NSD1: variants seen among roughly 807,000 people sequenced by gnomAD.
The protein encoded by NSD1 is nuclear receptor binding SET domain protein 1.
In NSD1, 26 loss-of-function variants were observed where a neutral mutation model predicts 242.7. The ratio of observed to expected loss-of-function variants is 0.11; its 90% CI spans 0.08 to 0.15. NSD1 has a LOEUF of 0.15. Ranked by LOEUF, NSD1 falls within the 10% of genes least tolerant of loss-of-function variation. The pLI is 1.00. For missense variants in NSD1, 2,495 were observed against 3,272.8 expected, an observed-to-expected ratio of 0.76 and a Z score of 5.80; for synonymous variants, 1,106 against 1,178.1, an observed-to-expected ratio of 0.94 and a Z score of 1.25.
chr5:177,208,170 A>C (rs1763048678), intron 4 of NSD1, among the ~76,000 whole-genome samples: 1 of 152,126 alleles, frequency 6.6e-6, no homozygotes, highest in Admixed American at 6.6e-5. Flanking sequence ...TATTGTATGG[A>C]GGTAAGGAAG....
At chr5:177,136,083 C>T in intron 2 of NSD1, 53 bp downstream of exon 2, 1 of 1,435,896 alleles carries the variant, frequency 7.0e-7, no homozygotes, top group Non-Finnish European at 9.7e-7. Flanking sequence ...TATATACAGG[C>T]CACTTAAAGG....
At chr5:177,170,207 C>T (rs1486964935) in intron 2 of NSD1, among the ~76,000 whole-genome samples, 2 of 151,812 alleles carry the variant, frequency 1.3e-5, no homozygotes, top group Non-Finnish European at 2.9e-5. Flanking sequence ...CTCCTGACCT[C>T]GTGATCTGCC....
intron 3 of NSD1, among the ~76,000 whole-genome samples, chr5:177,193,466 G>A (rs532510932): frequency 6.6e-6 from 1 of 151,968 alleles, no homozygotes; most frequent in South Asian, 2.1e-4. Flanking sequence ...TAGTAGAGAT[G>A]GGGTTTCACC....
intron 5 of NSD1, chr5:177,221,062 G>C (rs761511545): frequency 4.4e-5 from 20 of 454,434 alleles, no homozygotes; most frequent in South Asian, 3.1e-4. Flanking sequence ...TAATAGATAC[G>C]GGGTTTCACC....
At chr5:177,288,526 A>G in intron 20 of NSD1, 2 of 351,580 alleles carry the variant, frequency 5.7e-6, no homozygotes, top group East Asian at 6.5e-5. Flanking sequence ...ATGAATTAAC[A>G]TATTTTGAAT....
At chr5:177,236,998 G>C (rs1030827777) in intron 6 of NSD1, among the ~76,000 whole-genome samples, 1 of 152,066 alleles carries the variant, frequency 6.6e-6, no homozygotes, top group African/African-American at 2.4e-5. Context: ...TACCACACCT[G>C]GCTAATTTTT....
At chr5:177,273,365 C>T (rs1758099252) in intron 16 of NSD1, among the ~76,000 whole-genome samples, 1 of 149,340 alleles carries the variant, frequency 6.7e-6, no homozygotes, top group South Asian at 2.1e-4. Flanking sequence ...TATCCGCCAC[C>T]ACAGATAAGC....
intron 14 of NSD1, chr5:177,265,556 G>A (rs1342336381): frequency 9.1e-6 from 9 of 988,554 alleles, no homozygotes; most frequent in Middle Eastern, 2.7e-4. Context: ...CGTGCAGGGC[G>A]GGAGAGCCGG....
At position 177,209,917 on chromosome 5, in the gene NSD1, A is replaced by C. The variant is rs1471567155; in HGVS notation, c.1518A>C (p.Pro506=). ...GAGCCAGAAAGAGCTCTGATAATCCAAAAAGGACTAGTGTGAAAAAGGGCC... is the reference window on the plus strand; with the variant it reads ...GAGCCAGAAAGAGCTCTGATAATCCCAAAAGGACTAGTGTGAAAAAGGGCC... ...KSRARKSSDN[P]KRTSVKKGHI... Residue 506 remains proline, a synonymous_variant, in exon 5 of 23, where the codon CCA becomes CCC. Coordinates refer to ENST00000439151, the MANE Select transcript of NSD1 (RefSeq NM_022455.5). 1 of 1,613,984 alleles carries C rather than the reference A, an allele frequency of 6.2e-7. No homozygotes were observed. Among genetic ancestry groups the C allele is most frequent in the Non-Finnish European group, 8.5e-7 (1 of 1,179,886 alleles).
At chr5:177,293,669 G>C (rs1241598764) in intron 22 of NSD1, among the ~76,000 whole-genome samples, 163 bp from the exon 23 acceptor site, 1 of 151,726 alleles carries the variant, frequency 6.6e-6, no homozygotes, top group African/African-American at 2.4e-5. Flanking sequence ...AAAGAAGCTG[G>C]AATTCTGGGG....
At chr5:177,216,695 T>C (rs903403532) in intron 5 of NSD1, among the ~76,000 whole-genome samples, 1 of 151,202 alleles carries the variant, frequency 6.6e-6, no homozygotes, top group Non-Finnish European at 1.5e-5. Flanking sequence ...TTTTTAATTT[T>C]TAGTAAAATT....
intron 5 of NSD1, among the ~76,000 whole-genome samples, chr5:177,231,967 T>C (rs1765093885): frequency 6.6e-6 from 1 of 152,150 alleles, no homozygotes; most frequent in African/African-American, 2.4e-5. Context: ...TGGCACTGTC[T>C]TGGCTCACTG....
chr5:177,197,684 T>A (rs1266456985), intron 3 of NSD1, among the ~76,000 whole-genome samples: 3 of 152,222 alleles, frequency 2.0e-5, no homozygotes, highest in African/African-American at 7.2e-5. Context: ...GTCCCCTACC[T>A]TCGACCCCAA....
intron 2 of NSD1, among the ~76,000 whole-genome samples, chr5:177,190,066 C>T (rs1047080309): frequency 6.6e-6 from 1 of 151,934 alleles, no homozygotes; most frequent in Non-Finnish European, 1.5e-5. Flanking sequence ...TCAAGCAGTC[C>T]TCCTACCTGT....
chr5:177,177,880 A>G (rs1364206968), intron 2 of NSD1, among the ~76,000 whole-genome samples: 1 of 152,094 alleles, frequency 6.6e-6, no homozygotes, highest in Non-Finnish European at 1.5e-5. Flanking sequence ...CTGTTAATGC[A>G]AAAAATTGCA....
rs1757742174 is a variant in NSD1 at position 177,269,027 on chromosome 5, T to G, written c.5304-575T>G. Reference sequence around the variant, plus strand: ...GCCTTCTCTAGGGCATTCTCTGGAGTAAAGTAGGTAGATAGAGGTTTCCAG... The same window carrying G: ...GCCTTCTCTAGGGCATTCTCTGGAGGAAAGTAGGTAGATAGAGGTTTCCAG... On this transcript the variant is annotated intron_variant, in intron 15 of 22. Transcript: ENST00000439151. The surrounding 1 kb of genome is among the most constrained non-coding windows in gnomAD (Gnocchi z 5.1). Among the ~76,000 whole-genome samples the G allele has an allele frequency of 6.6e-6, 1 of 152,124 alleles. No homozygotes were observed. Among genetic ancestry groups the G allele is most frequent in the Non-Finnish European group, 1.5e-5 (1 of 68,014 alleles).
rs889492877 is a variant in NSD1 at position 177,291,842 on chromosome 5, G to A, written c.6259-112G>A. The A allele has an allele frequency of 3.9e-6, 4 of 1,038,356 alleles. No individual in the cohort carries two copies. In the Admixed American group the frequency reaches 8.0e-5, roughly 21 times the overall value. The allele number at this position is 1,038,356 out of a possible 1,614,324, so 64.3% of individuals were successfully genotyped here. A position where few individuals can be genotyped will look rare whatever the true frequency, so the allele number is the denominator to read the frequency against. ...TACCTTTCCTGCATTTTATCTTCAT[G>A]ACAATCTCTTTTCCCAGAGAAGAGA... On this transcript the variant is annotated intron_variant, in intron 21 of 22. Coordinates refer to ENST00000439151, the MANE Select transcript of NSD1 (RefSeq NM_022455.5).
chr5:177,187,296 G>T (rs1231837213), intron 2 of NSD1, among the ~76,000 whole-genome samples: 1 of 151,564 alleles, frequency 6.6e-6, no homozygotes, highest in Non-Finnish European at 1.5e-5. Context: ...GTAGAGATGG[G>T]GTTTCACCAT....
intron 15 of NSD1, among the ~76,000 whole-genome samples, chr5:177,268,618 T>C (rs190616934): frequency 3.3e-4 from 50 of 152,282 alleles, no homozygotes; most frequent in African/African-American, 1.2e-3. Context: ...ACTTTTGAGG[T>C]TTATTCCATG....
Sources: allele counts gnomAD v4.1 joint callset (sites outside exome capture counted in the v4.1 genomes callset), GRCh38; gene constraint gnomAD v4.1.1; non-coding constraint Gnocchi (gnomAD v3.1); transcripts MANE v1.5; gene names NCBI Gene and HGNC (gene_info 2026-07-23, HGNC 2026-07-21).